The following STEAP3 variants were observed in gnomAD, a reference collection of about 807,000 sequenced individuals.
STEAP3 encodes metalloreductase STEAP3.
STEAP3 carries 35 observed loss-of-function variants against 34.9 expected under a neutral mutation model. The ratio of observed to expected loss-of-function variants is 1.00; its 90% confidence interval spans 0.76 to 1.33. The LOEUF (loss-of-function observed/expected upper bound fraction) is 1.33, where lower values mean the gene tolerates loss of function less well. Among genes scored for constraint, STEAP3 ranks in the 40% most tolerant of loss-of-function variants. The pLI is 0.00. For synonymous variants in STEAP3, 281 were observed against 301.6 expected (o/e 0.93, Z 0.71); for missense variants, 652 against 667.6 (o/e 0.98, Z 0.26).
intron 3 of STEAP3, chr2:119,246,362 C>G (rs1451216839): frequency 4.4e-6 from 1 of 229,632 alleles, no homozygotes; most frequent in African/African-American, 2.3e-5. Context: ...ACTTATGTAC[C>G]CGGCCCTGAG....
chr2:119,255,657 G>A (rs1462044397), intron 5 of STEAP3, among the ~76,000 whole-genome samples: 1 of 151,982 alleles, frequency 6.6e-6, no homozygotes, highest in Non-Finnish European at 1.5e-5. Flanking sequence ...CAGAGGCTGA[G>A]GTGGGAGAAT....
At position 119,263,711 on chromosome 2, in the gene STEAP3, G is replaced by A; in HGVS notation, c.*373G>A. 1.5e-5 allele frequency: 5 copies of A among 344,366 alleles called. No homozygotes were observed. Among genetic ancestry groups the A allele is most frequent in the South Asian group, 7.2e-5 (3 of 41,546 alleles). 21.3% of individuals were successfully genotyped at this position (344,366 alleles called of 1,614,324 possible). A position where few individuals can be genotyped will look rare whatever the true frequency, so the allele number is the denominator to read the frequency against. On this transcript the variant is annotated 3_prime_UTR_variant, in exon 6 of 6. Transcript: ENST00000393110. ...TTTTTGTACAGAAGAGGCTTGTGCT[G>A]TGGTGGGTTCGATTTATCCCTGCCC...
intron 5 of STEAP3, among the ~76,000 whole-genome samples, chr2:119,258,572 C>A (rs2104846286): frequency 7.0e-6 from 1 of 143,684 alleles, no homozygotes. Context: ...CAAAGTTTTA[C>A]ATGTTGTTTT....
rs1242659529 is a variant in STEAP3, at chr2:119,264,072, G to C, written c.*734G>C. 1 of 153,666 alleles carries C rather than the reference G, an allele frequency of 6.5e-6. No homozygotes were observed. The highest frequency in any genetic ancestry group is 1.9e-4 in the East Asian group (1 of 5,202). 9.5% of individuals were successfully genotyped at this position (153,666 alleles called of 1,614,324 possible). A position where few individuals can be genotyped will look rare whatever the true frequency, so the allele number is the denominator to read the frequency against. ...AGCCTGCAAATGGATCCTCCTGTGA[G>C]AGTGACGTCACCTCCTTTCCAGAGC... On this transcript the variant is annotated 3_prime_UTR_variant, in exon 6 of 6. Coordinates refer to ENST00000393110, the MANE Select transcript of STEAP3 (RefSeq NM_182915.3).
At chr2:119,257,077 C>T (rs771529305) in intron 5 of STEAP3, among the ~76,000 whole-genome samples, 4 of 152,172 alleles carry the variant, frequency 2.6e-5, no homozygotes, top group Non-Finnish European at 2.9e-5. Context: ...GTGGTCCAGT[C>T]AGTGTTTGCA....
intron 5 of STEAP3, among the ~76,000 whole-genome samples, chr2:119,262,676 C>A (rs534892510): frequency 2.0e-5 from 3 of 152,298 alleles, no homozygotes; most frequent in South Asian, 2.1e-4. Context: ...CCGCAGCAGG[C>A]CTTAAATGTT....
intron 2 of STEAP3, among the ~76,000 whole-genome samples, chr2:119,234,726 C>T (rs1342294952): frequency 3.9e-5 from 6 of 152,202 alleles, no homozygotes; most frequent in East Asian, 1.9e-4. Context: ...GTGCACTGCA[C>T]GCCTCCAGAG....
chr2:119,251,121 A>G (rs2104832586), intron 4 of STEAP3, among the ~76,000 whole-genome samples: 1 of 152,246 alleles, frequency 6.6e-6, no homozygotes, highest in Admixed American at 6.5e-5. Context: ...GGGCCTGGGC[A>G]CCTGAGGCTG....
At chr2:119,243,373 T>C (rs1232195143) in intron 2 of STEAP3, among the ~76,000 whole-genome samples, 1 of 152,214 alleles carries the variant, frequency 6.6e-6, no homozygotes, top group Non-Finnish European at 1.5e-5. Context: ...CATTGTTCTC[T>C]GTCTGGGCAG....
intron 4 of STEAP3, 66 bp from the exon 5 acceptor site, chr2:119,254,618 A>G: frequency 6.3e-7 from 1 of 1,592,950 alleles, no homozygotes; most frequent in Non-Finnish European, 8.6e-7. Context: ...TGTGTCCTTC[A>G]TCATTGCCCT....
chr2:119,242,173 A>T (rs1194932158), intron 2 of STEAP3, among the ~76,000 whole-genome samples: 2 of 152,226 alleles, frequency 1.3e-5, no homozygotes, highest in Non-Finnish European at 2.9e-5. Flanking sequence ...GATGGCAGGC[A>T]GCGGGGAGAG....
intron 2 of STEAP3, among the ~76,000 whole-genome samples, chr2:119,231,342 C>CGCGT (rs1553437402): frequency 2.1e-5 from 3 of 143,492 alleles, no homozygotes; most frequent in Non-Finnish European, 3.0e-5. Context: ...CACACAGTTG[C>CGCGT]GTGTGTGTGT....
chr2:119,239,120 A>G (rs1178143830), intron 2 of STEAP3, among the ~76,000 whole-genome samples: 1 of 152,146 alleles, frequency 6.6e-6, no homozygotes, highest in Non-Finnish European at 1.5e-5. Flanking sequence ...TTCATTTTAC[A>G]CTTGATGAAA....
At chr2:119,260,527 C>T (rs1156379585) in intron 5 of STEAP3, among the ~76,000 whole-genome samples, 1 of 152,104 alleles carries the variant, frequency 6.6e-6, no homozygotes, top group Non-Finnish European at 1.5e-5. Context: ...AACTCCCAAC[C>T]TCAGGTGATC....
At chr2:119,237,490 C>T (rs1385845564) in intron 2 of STEAP3, among the ~76,000 whole-genome samples, 1 of 152,170 alleles carries the variant, frequency 6.6e-6, no homozygotes, top group African/African-American at 2.4e-5. Flanking sequence ...GGGAATCCAC[C>T]CCCATGACCC....
intron 1 of STEAP3, among the ~76,000 whole-genome samples, chr2:119,224,900 C>G (rs950795623): frequency 6.6e-6 from 1 of 152,204 alleles, no homozygotes; most frequent in African/African-American, 2.4e-5. Flanking sequence ...AATGGGGAAA[C>G]AGCCTCAGAG....
intron 5 of STEAP3, among the ~76,000 whole-genome samples, chr2:119,256,400 A>AT (rs1185653997): frequency 6.6e-6 from 1 of 152,090 alleles, no homozygotes; most frequent in Non-Finnish European, 1.5e-5. Flanking sequence ...CAAATCTAGG[A>AT]TTTTCCTCTT....
chr2:119,240,236 T>A (rs1272411509), intron 2 of STEAP3, among the ~76,000 whole-genome samples: 2 of 152,168 alleles, frequency 1.3e-5, no homozygotes, highest in East Asian at 1.9e-4. Flanking sequence ...AACAAAAATT[T>A]AAAAAAATTG....
intron 4 of STEAP3, among the ~76,000 whole-genome samples, chr2:119,252,805 AC>A (rs1378898289): frequency 6.6e-6 from 1 of 151,942 alleles, no homozygotes; most frequent in Non-Finnish European, 1.5e-5. Flanking sequence ...TCCCTAGCCC[AC>A]CTCATCCCTC....
Sources: allele counts gnomAD v4.1 joint callset (sites outside exome capture counted in the v4.1 genomes callset), GRCh38; gene constraint gnomAD v4.1.1; transcripts MANE v1.5; gene names NCBI Gene and HGNC (gene_info 2026-07-23, HGNC 2026-07-21).